The following FAM13A variants were observed in gnomAD, a reference collection of about 807,000 sequenced individuals.
The protein encoded by FAM13A is family with sequence similarity 13 member A.
FAM13A carries 76 observed loss-of-function variants against 129.6 expected under a neutral mutation model. The observed-to-expected ratio is 0.59, with a 90% CI of 0.49 to 0.71. The LOEUF is 0.71. Among genes scored for constraint, FAM13A ranks in the 30% least tolerant of loss-of-function variants. FAM13A has a pLI of 0.00. For synonymous variants in FAM13A, 443 were observed against 449.9 expected (o/e 0.98, Z 0.20); for missense variants, 1,108 against 1,249.3 (o/e 0.89, Z 1.70).
At chr4:89,052,209 G>A (rs1206335934) in intron 1 of FAM13A, among the ~76,000 whole-genome samples, 2 of 151,574 alleles carry the variant, frequency 1.3e-5, no homozygotes, top group African/African-American at 4.8e-5. Context: ...GCACTAGAGT[G>A]TGGGAGCTGA....
intron 10 of FAM13A, among the ~76,000 whole-genome samples, chr4:88,781,680 G>A (rs542619224): frequency 3.3e-5 from 5 of 152,034 alleles, no homozygotes; most frequent in African/African-American, 1.2e-4. Flanking sequence ...CACAGTAGAT[G>A]TTTAAATATA....
chr4:88,813,950 A>G (rs1435970450), intron 7 of FAM13A, among the ~76,000 whole-genome samples: 1 of 152,182 alleles, frequency 6.6e-6, no homozygotes, highest in Non-Finnish European at 1.5e-5. Context: ...AGAAAACACA[A>G]TCCCAACTTT....
chr4:88,946,018 A>G (rs1221415936), intron 4 of FAM13A, among the ~76,000 whole-genome samples: 2 of 129,290 alleles, frequency 1.5e-5, no homozygotes, highest in African/African-American at 5.8e-5. Flanking sequence ...ATATATATAT[A>G]TATATGTAAT....
At chr4:89,032,411 G>T (rs7668782) in intron 1 of FAM13A, among the ~76,000 whole-genome samples, 43,945 of 151,976 alleles carry the variant, frequency 0.29, 6,877 homozygotes, top group Middle Eastern at 0.42. Flanking sequence ...AAACAATATA[G>T]GTTCCCACAT....
At chr4:88,973,708 T>C (rs1211453332) in intron 4 of FAM13A, among the ~76,000 whole-genome samples, 1 of 152,198 alleles carries the variant, frequency 6.6e-6, no homozygotes, top group Non-Finnish European at 1.5e-5. Flanking sequence ...GTGATTTTTT[T>C]CATGATGGCT....
At position 88,728,173 on chromosome 4, in the gene FAM13A, C is replaced by A; in HGVS notation, c.*360G>T. The A allele has an allele frequency of 5.0e-6, 1 of 199,662 alleles. No homozygotes were observed. The highest frequency in any genetic ancestry group is 1.0e-5 in the Non-Finnish European group (1 of 97,710). 12.4% of individuals were successfully genotyped at this position (199,662 alleles called of 1,614,324 possible). On this transcript the variant is annotated 3_prime_UTR_variant, in exon 24 of 24. Transcript: ENST00000264344. ...GAATGGTCTCTTGTTTCTCAGTTAT[C>A]CAGGGAAGAACAGTGTATATTCTCT...
chr4:88,998,786 T>C (rs1763879968), intron 3 of FAM13A, among the ~76,000 whole-genome samples: 1 of 152,180 alleles, frequency 6.6e-6, no homozygotes, highest in South Asian at 2.1e-4. Context: ...CCGCATTTCA[T>C]TCCCCAAGAC....
rs1286694770 is a variant in FAM13A, at chr4:88,767,577, A to G, written c.1554T>C (p.Asp518=). The G allele has an allele frequency of 1.9e-6, 3 of 1,602,292 alleles. No individual in the cohort carries two copies. Among genetic ancestry groups the G allele is most frequent in the Non-Finnish European group, 2.5e-6 (3 of 1,177,024 alleles). The part of the protein sequence containing the change: ...MSDERKGNEK[D]GGHTQHFESP... ...CCTCAAAATGCTGAGTGTGTCCACCATCTTTTTCATTTCCTTTCCTATAAA... is the reference window on the plus strand; with the variant it reads ...CCTCAAAATGCTGAGTGTGTCCACCGTCTTTTTCATTTCCTTTCCTATAAA... Residue 518 remains aspartate, a synonymous_variant, in exon 13 of 24, where the codon GAT becomes GAC. Transcript: ENST00000264344.
chr4:88,740,584 A>G (rs1740032683), intron 19 of FAM13A, among the ~76,000 whole-genome samples: 1 of 152,242 alleles, frequency 6.6e-6, no homozygotes, highest in Admixed American at 6.5e-5. Flanking sequence ...TATTTCACAT[A>G]TAATAAGGCA....
chr4:88,972,290 T>C (rs1029721475), intron 4 of FAM13A, among the ~76,000 whole-genome samples: 3 of 124,170 alleles, frequency 2.4e-5, no homozygotes, highest in African/African-American at 9.4e-5. Context: ...AGTTTCTGCT[T>C]CTCCTTCACT....
At position 88,991,074 on chromosome 4, in the gene FAM13A, G is replaced by A; in HGVS notation, c.504C>T (p.Leu168=). The stretch of plus-strand genomic sequence containing the variant: ...TTGTCAAGAACTGGCAAAGGTACTT[G>A]AGGAGGCAGTAGTGGGTGTCTGGCA... ...KELPDTHYCL[L]KYLCQFLTKV... Residue 168 remains leucine (L), a synonymous_variant, in exon 4 of 24, where the codon CTC becomes CTT. Transcript: ENST00000264344. The A allele has an allele frequency of 6.2e-7, 1 of 1,613,882 alleles. No homozygotes were observed. The highest frequency in any genetic ancestry group is 8.5e-7 in the Non-Finnish European group (1 of 1,179,742).
At chr4:88,893,473 AT>A (rs1745711950) in intron 6 of FAM13A, among the ~76,000 whole-genome samples, 1 of 152,190 alleles carries the variant, frequency 6.6e-6, no homozygotes, top group African/African-American at 2.4e-5. Context: ...AATACAAAAA[AT>A]TAGCTGGGCG....
At chr4:89,009,189 T>C (rs1478362777) in intron 3 of FAM13A, 1 of 152,220 alleles carries the variant, frequency 6.6e-6, no homozygotes, top group African/African-American at 2.4e-5. Flanking sequence ...AACTAAAAGC[T>C]GTTGGAACTT....
chr4:88,729,880 A>G (rs1472880452), intron 23 of FAM13A: 1 of 152,246 alleles, frequency 6.6e-6, no homozygotes, highest in African/African-American at 2.4e-5. Context: ...GATACACGTC[A>G]AAACATTAAT....
intron 4 of FAM13A, among the ~76,000 whole-genome samples, chr4:88,965,490 G>C (rs1759229548): frequency 6.6e-6 from 1 of 152,060 alleles, no homozygotes; most frequent in East Asian, 1.9e-4. Context: ...CACAAATTTT[G>C]TGATTTAAAT....
chr4:88,866,923 A>G (rs559824787), intron 6 of FAM13A, among the ~76,000 whole-genome samples: 1 of 152,350 alleles, frequency 6.6e-6, no homozygotes, highest in East Asian at 1.9e-4. Flanking sequence ...AATTGAACAT[A>G]ATCTAAATAT....
At chr4:88,980,390 A>C (rs542430455) in intron 4 of FAM13A, among the ~76,000 whole-genome samples, 1 of 152,356 alleles carries the variant, frequency 6.6e-6, no homozygotes, top group African/African-American at 2.4e-5. Context: ...CAAATGTATA[A>C]ACATTTTGAA....
rs1212824510 is a variant in FAM13A at position 88,726,047 on chromosome 4, T to TAAAC, written c.*2482_*2485dup. 2.6e-5 allele frequency: 4 copies of TAAAC among 152,220 alleles called. No individual in the cohort carries two copies. The highest frequency in any genetic ancestry group is 2.1e-4 in the South Asian group (1 of 4,834). 9.4% of individuals were successfully genotyped at this position (152,220 alleles called of 1,614,324 possible). A position where few individuals can be genotyped will look rare whatever the true frequency, so the allele number is the denominator to read the frequency against. ...TATTTTGTTGGCATGTGCTAATTAA[T>TAAAC]AAACACATATTCCCAACACAGCAAA... On this transcript the variant is annotated 3_prime_UTR_variant, in exon 24 of 24. Transcript: ENST00000264344.
At chr4:88,983,671 T>A (rs1761909693) in intron 4 of FAM13A, among the ~76,000 whole-genome samples, 2 of 152,106 alleles carry the variant, frequency 1.3e-5, no homozygotes, top group African/African-American at 4.8e-5. Flanking sequence ...GGAAAAATAT[T>A]TCATGCTCAC....
Sources: gnomAD v4.1 joint callset for allele counts (sites outside exome capture counted in the v4.1 genomes callset) on GRCh38, gnomAD v4.1.1 for gene constraint, MANE v1.5 for transcripts, NCBI Gene and HGNC (gene_info 2026-07-23, HGNC 2026-07-21) for gene names.